ARHGEF17: variants seen among roughly 807,000 people sequenced by gnomAD.
The protein encoded by ARHGEF17 is Rho guanine nucleotide exchange factor 17.
A neutral mutation model predicts 174.0 loss-of-function variants in ARHGEF17; 80 were observed. The observed-to-expected ratio is 0.46, with a 90% CI of 0.38 to 0.55. The LOEUF is 0.55. ARHGEF17 is among the 20% of genes least tolerant of loss of function. The probability of loss-of-function intolerance (pLI) is 0.00; values close to 1 mark genes in which losing one functional copy is unlikely to be tolerated. For missense variants in ARHGEF17, 2,886 were observed against 2,839.7 expected, an observed-to-expected ratio of 1.02 and a Z score of -0.37; for synonymous variants, 1,311 against 1,189.1, an observed-to-expected ratio of 1.10 and a Z score of -2.11.
intron 11 of ARHGEF17, among the ~76,000 whole-genome samples, chr11:73,360,847 T>C (rs1231359515): frequency 6.6e-6 from 1 of 152,156 alleles, no homozygotes; most frequent in Non-Finnish European, 1.5e-5. Flanking sequence ...GGGAAAGCGA[T>C]TGATCAGGGT....
chr11:73,361,866 A>AG (rs893973564), intron 12 of ARHGEF17, among the ~76,000 whole-genome samples, 174 bp from the exon 13 acceptor site: 1 of 150,800 alleles, frequency 6.6e-6, no homozygotes, highest in African/African-American at 2.4e-5. Flanking sequence ...AAAAAAAAAA[A>AG]GGGTCCTGTG....
chr11:73,308,758 A>G lies in ARHGEF17; in HGVS notation c.120A>G (p.Arg40=), dbSNP rs762902771. 7.2e-5 allele frequency: 106 copies of G among 1,466,514 alleles called. No homozygotes were observed. The highest frequency in any genetic ancestry group is 1.3e-4 in the Admixed American group (5 of 37,424). The allele number at this position is 1,466,514 out of a possible 1,614,324, so 90.8% of individuals were successfully genotyped here. A position where few individuals can be genotyped will look rare whatever the true frequency, so the allele number is the denominator to read the frequency against. ...ACACGGACACCCCCGGCTTGAGGCGACGCGCCTCGTGCCGGCCGACCACGG... is the reference window on the plus strand; with the variant it reads ...ACACGGACACCCCCGGCTTGAGGCGGCGCGCCTCGTGCCGGCCGACCACGG... The part of the protein sequence containing the change: ...EEDTDTPGLR[R]RASCRPTTAA... The change falls in exon 1 of 21, where the codon CGA becomes CGG. Residue 40 remains arginine (R), a synonymous_variant. Coordinates refer to ENST00000263674, the MANE Select transcript of ARHGEF17 (RefSeq NM_014786.4).
chr11:73,322,134 T>TA (rs1028638927), intron 1 of ARHGEF17, among the ~76,000 whole-genome samples: 5 of 152,242 alleles, frequency 3.3e-5, no homozygotes, highest in Admixed American at 3.3e-4. Flanking sequence ...AAGGGGTGGA[T>TA]AGATGGGGAG....
Position 73,365,504 on chromosome 11 carries a change from G to C in ARHGEF17, c.5665G>C (p.Asp1889His), listed in dbSNP as rs1008030441. The C allele has an allele frequency of 3.1e-6, 5 of 1,614,054 alleles. No individual in the cohort carries two copies. In the South Asian group the frequency reaches 4.4e-5, roughly 14 times the overall value. ...TGCCCACGTGTGTCTCTACCATCCAGACACCTTTGAGCAGCTGGCAGAAGT... is the reference window on the plus strand; with the variant it reads ...TGCCCACGTGTGTCTCTACCATCCACACACCTTTGAGCAGCTGGCAGAAGT... ...GSAHVCLYHP[D>H]TFEQLAEVDV... The change falls in exon 19 of 21, where the codon GAC (aspartate) becomes CAC (histidine). Residue 1889 changes from aspartate (D) to histidine (H), a missense_variant. By Grantham distance (81) the Asp-to-His change is moderately conservative (BLOSUM62 -1). This residue lies in a region of ARHGEF17 where 329 missense variants were observed against 435.2 expected (regional missense o/e 0.76). Transcript: ENST00000263674. This position sits in a 1 kb window ranked among gnomAD's most constrained non-coding sequence, Gnocchi z 4.9.
chr11:73,332,350 CGTGTGTGT>C (rs58725771), intron 1 of ARHGEF17, among the ~76,000 whole-genome samples: 6,599 of 120,568 alleles, frequency 0.055, 236 homozygotes, highest in East Asian at 0.094. Context: ...GCTTTTTCTC[CGTGTGTGT>C]GTGTGTGTGT....
At chr11:73,348,101 G>A (rs1002140870) in intron 2 of ARHGEF17, among the ~76,000 whole-genome samples, 1 of 152,280 alleles carries the variant, frequency 6.6e-6, no homozygotes. Flanking sequence ...GCTGAAGTGG[G>A]GCCTGGCAGT....
chr11:73,344,681 C>T (rs556618437), intron 1 of ARHGEF17, among the ~76,000 whole-genome samples: 5 of 152,320 alleles, frequency 3.3e-5, no homozygotes, highest in East Asian at 1.9e-4. Flanking sequence ...TGCTCGCTGC[C>T]GCCTTTGCCT....
intron 2 of ARHGEF17, 98 bp from the exon 3 acceptor site, chr11:73,352,732 C>A: frequency 7.3e-7 from 1 of 1,371,632 alleles, no homozygotes; most frequent in Non-Finnish European, 1.0e-6. Context: ...GAGCTGCAGG[C>A]CCGGGTGATT....
Position 73,356,354 on chromosome 11 carries a change from G to A in ARHGEF17, c.3840+3G>A, listed in dbSNP as rs1310168766. On this transcript the variant is annotated splice_donor_region_variant and intron_variant, in intron 6 of 20. Coordinates refer to ENST00000263674, the MANE Select transcript of ARHGEF17 (RefSeq NM_014786.4). Reference sequence around the variant, plus strand: ...CTCACATCGAGGGCATGGAGGATGTGCGTGCGCCCTGCCCCACCCCACCCT... The same window carrying A: ...CTCACATCGAGGGCATGGAGGATGTACGTGCGCCCTGCCCCACCCCACCCT... 6.2e-7 allele frequency: 1 copy of A among 1,606,322 alleles called. No homozygotes were observed. The highest frequency in any genetic ancestry group is 8.5e-7 in the Non-Finnish European group (1 of 1,179,138).
rs560894971 is a variant in ARHGEF17, at chr11:73,367,915, C to A, written c.*135C>A. 91 of 951,080 alleles carry A rather than the reference C, an allele frequency of 9.6e-5. No individual in the cohort carries two copies. The highest frequency in any genetic ancestry group is 9.0e-4 in the African/African-American group (55 of 60,800). The allele number at this position is 951,080 out of a possible 1,614,324, so 58.9% of individuals were successfully genotyped here. A position where few individuals can be genotyped will look rare whatever the true frequency, so the allele number is the denominator to read the frequency against. On this transcript the variant is annotated 3_prime_UTR_variant, in exon 21 of 21. Transcript: ENST00000263674. ...TGTGCCTGCGTGGGCTCTGCCTTGT[C>A]TTCGCGGAAGCATTCCTGATGGAAC...
rs2135784446 is a variant in ARHGEF17 at position 73,310,687 on chromosome 11, T to C, written c.2049T>C (p.Pro683=). Residue 683 remains proline (P), a synonymous_variant, in exon 1 of 21, where the codon CCT becomes CCC. Coordinates refer to ENST00000263674, the MANE Select transcript of ARHGEF17 (RefSeq NM_014786.4). ...SSSAQTNHHG[P]GTEDSLGGWA... ...CGGCCCAGACGAACCACCATGGCCC[T>C]GGGACTGAGGACAGTCTGGGCGGGT... 1 of 1,613,834 alleles carries C rather than the reference T, an allele frequency of 6.2e-7. No homozygotes were observed. Among genetic ancestry groups the C allele is most frequent in the East Asian group, 2.2e-5 (1 of 44,890 alleles).
chr11:73,339,697 G>C (rs761370349), intron 1 of ARHGEF17, among the ~76,000 whole-genome samples: 1 of 152,166 alleles, frequency 6.6e-6, no homozygotes, highest in East Asian at 1.9e-4. Flanking sequence ...AGGGTTAGGT[G>C]CTCCCCAGGG....
chr11:73,335,315 G>C (rs575663496), intron 1 of ARHGEF17, among the ~76,000 whole-genome samples: 2 of 152,166 alleles, frequency 1.3e-5, no homozygotes, highest in Non-Finnish European at 2.9e-5. Context: ...CTGTAAAATG[G>C]GGGTGACAGT....
chr11:73,347,074 C>A, intron 2 of ARHGEF17, 114 bp downstream of exon 2: 1 of 1,046,046 alleles, frequency 9.6e-7, no homozygotes. Context: ...AGAGCCGTGT[C>A]CCTGGCATCC....
chr11:73,322,038 G>A (rs1448234075), intron 1 of ARHGEF17, among the ~76,000 whole-genome samples: 1 of 152,224 alleles, frequency 6.6e-6, no homozygotes, highest in Admixed American at 6.5e-5. Context: ...AGGGACTGCT[G>A]GGACCCCACT....
chr11:73,359,352 G>T (rs1255353265), intron 9 of ARHGEF17, among the ~76,000 whole-genome samples: 1 of 152,246 alleles, frequency 6.6e-6, no homozygotes, highest in Admixed American at 6.5e-5. Context: ...TGCAGGACCA[G>T]CTGCTTGGCA....
Position 73,343,260 on chromosome 11 carries a change from G to A in ARHGEF17, c.3193-3623G>A, listed in dbSNP as rs1342689122. 16 of 398,636 alleles carry A rather than the reference G, an allele frequency of 4.0e-5. 1 individual carries two copies. In the South Asian group the frequency reaches 2.0e-3, roughly 51 times the overall value. 24.7% of individuals were successfully genotyped at this position (398,636 alleles called of 1,614,324 possible). A position where few individuals can be genotyped will look rare whatever the true frequency, so the allele number is the denominator to read the frequency against. The stretch of plus-strand genomic sequence containing the variant: ...CGGGGGCAGCAGCACTGACGCCGAG[G>A]AGCCTGGGGAGGCCCAGGTACGGGG... On this transcript the variant is annotated intron_variant, in intron 1 of 20. Coordinates refer to ENST00000263674, the MANE Select transcript of ARHGEF17 (RefSeq NM_014786.4).
chr11:73,366,095 G>A (rs1049734063), intron 20 of ARHGEF17, 148 bp downstream of exon 20: 37 of 1,075,718 alleles, frequency 3.4e-5, no homozygotes, highest in Non-Finnish European at 4.6e-5. Context: ...CACCACGGAA[G>A]TGTCCAAATG....
chr11:73,362,577 A>G lies in ARHGEF17; in HGVS notation c.4839A>G (p.Ala1613=). ...GPQPCLHISI[A]GSGLEMTPGL... Reference sequence around the variant, plus strand: ...AGCCCTGCCTTCACATCTCCATTGCAGGCTCGGGCTTGGAGATGACGCCGG... The same window carrying G: ...AGCCCTGCCTTCACATCTCCATTGCGGGCTCGGGCTTGGAGATGACGCCGG... Residue 1613 remains alanine (A), a synonymous_variant, in exon 14 of 21, where the codon GCA becomes GCG. Transcript: ENST00000263674. 1 of 1,610,152 alleles carries G rather than the reference A, an allele frequency of 6.2e-7. No individual in the cohort carries two copies. The highest frequency in any genetic ancestry group is 8.5e-7 in the Non-Finnish European group (1 of 1,179,800).
Sources: allele counts gnomAD v4.1 joint callset (sites outside exome capture counted in the v4.1 genomes callset), GRCh38; gene constraint gnomAD v4.1.1; regional missense constraint gnomAD v4.1.1; non-coding constraint Gnocchi (gnomAD v3.1); transcripts MANE v1.5; gene names NCBI Gene and HGNC (gene_info 2026-07-23, HGNC 2026-07-21).